WBP4: variants seen among roughly 807,000 people sequenced by gnomAD.
The protein encoded by WBP4 is WW domain-binding protein 4.
A neutral mutation model predicts 55.4 loss-of-function variants in WBP4; 37 were observed. That is an observed-to-expected ratio of 0.67 (90% confidence interval 0.51 to 0.88). The LOEUF (loss-of-function observed/expected upper bound fraction) is 0.88. Among genes scored for constraint, WBP4 ranks in the 40% least tolerant of loss-of-function variants. The probability of loss-of-function intolerance (pLI) is 0.00; values close to 1 mark genes in which losing one functional copy is unlikely to be tolerated. For missense variants in WBP4, 398 were observed against 420.8 expected, an observed-to-expected ratio of 0.95 and a Z score of 0.47; for synonymous variants, 142 against 140.2, an observed-to-expected ratio of 1.01 and a Z score of -0.09.
intron 5 of WBP4, 111 bp from the exon 6 acceptor site, chr13:41,071,416 T>G (rs1566210934): frequency 1.5e-5 from 12 of 790,354 alleles, no homozygotes; most frequent in South Asian, 1.1e-4. Flanking sequence ...TGTTTTAAAT[T>G]GTAGACCTGT....
At position 41,082,980 on chromosome 13, in the gene WBP4, T is replaced by A. The variant is rs1555286177; in HGVS notation, c.*66T>A. On this transcript the variant is annotated 3_prime_UTR_variant, in exon 10 of 10. Coordinates refer to ENST00000379487, the MANE Select transcript of WBP4 (RefSeq NM_007187.5). The stretch of plus-strand genomic sequence containing the variant: ...GAGACTTATACACCCAAAGTTTATC[T>A]GTGTTTGTTTGTAAGTATTATGATG... 1 of 1,423,762 alleles carries A rather than the reference T, an allele frequency of 7.0e-7. No individual in the cohort carries two copies. Among genetic ancestry groups the A allele is most frequent in the South Asian group, 1.2e-5 (1 of 80,378 alleles). 88.2% of individuals were successfully genotyped at this position (1,423,762 alleles called of 1,614,324 possible).
intron 9 of WBP4, 132 bp from the exon 10 acceptor site, chr13:41,082,572 T>TAAAA: frequency 1.5e-6 from 1 of 682,630 alleles, no homozygotes; most frequent in Non-Finnish European, 2.5e-6. Flanking sequence ...GTAAAGTCAG[T>TAAAA]ATTTTAAAGT....
At chr13:41,073,195 G>T (rs1457667128) in intron 7 of WBP4, among the ~76,000 whole-genome samples, 1 of 152,062 alleles carries the variant, frequency 6.6e-6, no homozygotes, top group Non-Finnish European at 1.5e-5. Flanking sequence ...AGATCATCTG[G>T]CTCAACTTGC....
At position 41,076,054 on chromosome 13, in the gene WBP4, G is replaced by A; in HGVS notation, c.573G>A (p.Trp191Ter). Residue 191 changes from tryptophan (W) to a stop codon, truncating the protein, a stop_gained, in exon 8 of 10, where the codon TGG (tryptophan) becomes TGA (stop). Transcript: ENST00000379487. LOFTEE classifies it high-confidence loss of function. ...YYNTETGESR[W>*]EKPDDFIPHT... ...AAATGTGTTGAGCAGAATCCAGATG[G>A]GAGAAACCTGATGATTTCATTCCAC... 1 of 1,612,226 alleles carries A rather than the reference G, an allele frequency of 6.2e-7. No individual in the cohort carries two copies. The highest frequency in any genetic ancestry group is 1.7e-5 in the Admixed American group (1 of 59,502).
Position 41,068,620 on chromosome 13 carries a change from A to T in WBP4, c.322A>T (p.Asn108Tyr). The T allele has an allele frequency of 6.2e-7, 1 of 1,613,692 alleles. No individual in the cohort carries two copies. The highest frequency in any genetic ancestry group is 8.5e-7 in the Non-Finnish European group (1 of 1,179,892). ...CACTATCCCACCTACCTCGACATCAAATCAACAGAAAGAAAAGAAAGAAAA... is the reference window on the plus strand; with the variant it reads ...CACTATCCCACCTACCTCGACATCATATCAACAGAAAGAAAAGAAAGAAAA... ...TSTIPPTSTS[N>Y]QQKEKKEKKK... is the part of the protein sequence containing the mutation. The change falls in exon 5 of 10, where the codon AAT becomes TAT. Residue 108 changes from asparagine (N) to tyrosine (Y), a missense_variant. By Grantham distance (143) the Asn-to-Tyr change is moderately radical. Transcript: ENST00000379487.
intron 6 of WBP4, 50 bp downstream of exon 6, chr13:41,071,623 C>T (rs369010485): frequency 1.8e-5 from 28 of 1,513,582 alleles, no homozygotes; most frequent in African/African-American, 2.8e-5. Flanking sequence ...TACAGTGATT[C>T]GTTTCTTAGG....
intron 8 of WBP4, 112 bp downstream of exon 8, chr13:41,076,349 G>T: frequency 1.2e-6 from 1 of 840,292 alleles, no homozygotes; most frequent in Non-Finnish European, 1.7e-6. Context: ...CACTGTCTTG[G>T]CTCACTGTAA....
chr13:41,061,790 G>T, intron 1 of WBP4, 115 bp downstream of exon 1: 1 of 1,531,202 alleles, frequency 6.5e-7, no homozygotes, highest in Admixed American at 1.9e-5. Context: ...TGACAGACGC[G>T]TTCTTAACTC....
At chr13:41,064,078 T>TC (rs2138459317) in intron 2 of WBP4, among the ~76,000 whole-genome samples, 1 of 152,022 alleles carries the variant, frequency 6.6e-6, no homozygotes, top group African/African-American at 2.4e-5. Flanking sequence ...TTTTTTTTTT[T>TC]CATTTTCTTG....
In WBP4 at chr13:41,082,897, C is replaced by A. The variant is rs1437861860; in HGVS notation, c.1114C>A (p.Arg372=). 6.2e-7 allele frequency: 1 copy of A among 1,613,900 alleles called. No homozygotes were observed. The part of the protein sequence containing the change: ...ENGKSRNLRQ[R]GDDQ ...TGGAAAATCTAGAAATTTAAGGCAA[C>A]GAGGTGATGATCAATAGTTGCAGGA... Residue 372 remains arginine, a synonymous_variant, in exon 10 of 10, where the codon CGA becomes AGA. Transcript: ENST00000379487.
chr13:41,077,786 T>C (rs1393519856), intron 8 of WBP4, among the ~76,000 whole-genome samples: 2 of 152,176 alleles, frequency 1.3e-5, no homozygotes, highest in African/African-American at 4.8e-5. Flanking sequence ...ACTTCAGTCA[T>C]GTTTCAGGAT....
chr13:41,065,418 A>T, intron 4 of WBP4, 131 bp downstream of exon 4: 1 of 1,276,356 alleles, frequency 7.8e-7, no homozygotes. Flanking sequence ...TTTATTATGC[A>T]TCATAGCCCT....
intron 2 of WBP4, among the ~76,000 whole-genome samples, chr13:41,063,131 A>G (rs1188549101): frequency 6.6e-6 from 1 of 152,208 alleles, no homozygotes; most frequent in Non-Finnish European, 1.5e-5. Flanking sequence ...AGAGCTGTGT[A>G]TCTTTAGATG....
rs560848805 is a variant in WBP4, at chr13:41,065,189, C to G, written c.164C>G (p.Ala55Gly). 6.2e-7 allele frequency: 1 copy of G among 1,604,388 alleles called. No individual in the cohort carries two copies. Among genetic ancestry groups the G allele is most frequent in the Admixed American group, 1.7e-5 (1 of 58,502 alleles). ...SEIKQKSLDK[A>G]KEEEKASKEF... is the part of the protein sequence containing the mutation. ...ATTAAACAGAAAAGCCTGGATAAGG[C>G]AAAGGAAGAAGAAAAGGCATCAAAG... is the stretch of plus-strand genomic sequence containing the variant. The change falls in exon 4 of 10, where the codon GCA becomes GGA. Residue 55 changes from alanine to glycine, a missense_variant. Physicochemically the swap from Ala to Gly is moderately conservative, Grantham distance 60. Coordinates refer to ENST00000379487, the MANE Select transcript of WBP4 (RefSeq NM_007187.5).
intron 8 of WBP4, among the ~76,000 whole-genome samples, chr13:41,078,841 GGAAAA>G (rs1489336223): frequency 6.7e-6 from 1 of 150,188 alleles, no homozygotes; most frequent in Non-Finnish European, 1.5e-5. Flanking sequence ...AAAAGAAAAA[GGAAAA>G]GAAAAAAAAA....
intron 7 of WBP4, 124 bp from the exon 8 acceptor site, chr13:41,075,920 A>AAG: frequency 5.7e-6 from 6 of 1,047,102 alleles, no homozygotes; most frequent in Non-Finnish European, 8.2e-6. Flanking sequence ...CTTCTTGATC[A>AAG]AGAGATAGTA....
chr13:41,067,315 G>A (rs1878017489), intron 4 of WBP4, among the ~76,000 whole-genome samples: 1 of 152,184 alleles, frequency 6.6e-6, no homozygotes, highest in Non-Finnish European at 1.5e-5. Flanking sequence ...TACTGGATTT[G>A]GTCATTCTTT....
chr13:41,080,718 T>C lies in WBP4; in HGVS notation c.829T>C (p.Ser277Pro), dbSNP rs1336334710. Residue 277 changes from serine to proline, a missense_variant, in exon 9 of 10, where the codon TCA becomes CCA. Coordinates refer to ENST00000379487, the MANE Select transcript of WBP4 (RefSeq NM_007187.5). ...AGAAAAAAGTATTCAGAAACAGAATTCATTAGGTTCAAATGAAGAAAAATC... is the reference window on the plus strand; with the variant it reads ...AGAAAAAAGTATTCAGAAACAGAATCCATTAGGTTCAAATGAAGAAAAATC... The part of the protein sequence containing the change: ...QKEKSIQKQN[S>P]LGSNEEKSKT... 6.2e-7 allele frequency: 1 copy of C among 1,606,700 alleles called. No homozygotes were observed. The highest frequency in any genetic ancestry group is 1.1e-5 in the South Asian group (1 of 88,714).
chr13:41,061,542 A>G lies in WBP4; in HGVS notation c.-132A>G, dbSNP rs1030245118. On this transcript the variant is annotated 5_prime_UTR_variant, in exon 1 of 10. Coordinates refer to ENST00000379487, the MANE Select transcript of WBP4 (RefSeq NM_007187.5). ...GAACAGCGGAACGCTGGTCCCGGGG[A>G]CTGAGTAAGGTGTCTGGATCGGAGG... The G allele has an allele frequency of 1.4e-5, 20 of 1,409,044 alleles. 1 individual carries two copies. The highest frequency in any genetic ancestry group is 1.1e-4 in the African/African-American group (8 of 71,226). The allele number at this position is 1,409,044 out of a possible 1,614,324, so 87.3% of individuals were successfully genotyped here.
Sources: gnomAD v4.1 joint callset for allele counts (sites outside exome capture counted in the v4.1 genomes callset) on GRCh38, gnomAD v4.1.1 for gene constraint, MANE v1.5 for transcripts, NCBI Gene and HGNC (gene_info 2026-07-23, HGNC 2026-07-21) for gene names.